Variants in SEL1L2 observed in about 807,000 individuals in gnomAD.
The protein encoded by SEL1L2 is SEL1L2 adaptor subunit of SYVN1 ubiquitin ligase.
In SEL1L2, 89 loss-of-function variants were observed where a neutral mutation model predicts 98.8. The ratio of observed to expected loss-of-function variants is 0.90; its 90% confidence interval spans 0.76 to 1.07. The LOEUF is 1.07. Ranked by LOEUF, SEL1L2 falls within the 50% of genes least tolerant of loss-of-function variation. The pLI is 0.00. For missense variants in SEL1L2, 788 were observed against 812.0 expected, an observed-to-expected ratio of 0.97 and a Z score of 0.36; for synonymous variants, 262 against 278.5, an observed-to-expected ratio of 0.94 and a Z score of 0.59.
chr20:13,951,048 G>A (rs918954220), intron 2 of SEL1L2, among the ~76,000 whole-genome samples: 3 of 150,324 alleles, frequency 2.0e-5, no homozygotes, highest in Non-Finnish European at 4.4e-5. Flanking sequence ...AGGCCGAGGC[G>A]TGCGGATCAC....
intron 18 of SEL1L2, among the ~76,000 whole-genome samples, chr20:13,854,726 T>C (rs1189554325): frequency 6.6e-6 from 1 of 152,148 alleles, no homozygotes; most frequent in African/African-American, 2.4e-5. Flanking sequence ...CAGAGTGCAA[T>C]ACCATGATGG....
At chr20:13,939,099 A>G (rs1245703572) in intron 2 of SEL1L2, among the ~76,000 whole-genome samples, 1 of 135,960 alleles carries the variant, frequency 7.4e-6, no homozygotes, top group Non-Finnish European at 1.5e-5. Context: ...GCTGGAGTGC[A>G]ATGGCGCAAT....
At chr20:13,894,015 G>A (rs2047319221) in intron 5 of SEL1L2, among the ~76,000 whole-genome samples, 1 of 151,980 alleles carries the variant, frequency 6.6e-6, no homozygotes, top group South Asian at 2.1e-4. Flanking sequence ...CAAAACTTAT[G>A]GGGATGCAGT....
chr20:13,893,653 T>G (rs1212368274), intron 5 of SEL1L2, among the ~76,000 whole-genome samples: 4 of 152,158 alleles, frequency 2.6e-5, no homozygotes. Context: ...ATTTACACAA[T>G]AAGATCCATT....
chr20:13,879,291 A>G (rs1454939588), intron 10 of SEL1L2, among the ~76,000 whole-genome samples: 4 of 152,184 alleles, frequency 2.6e-5, no homozygotes, highest in African/African-American at 9.7e-5. Context: ...ACTTGCAAAA[A>G]TAAGATGGCG....
chr20:13,888,514 T>G lies in SEL1L2; in HGVS notation c.550-2A>C. ...ATAAGAAGACAAAAATCCTAATGCC[T>G]AAAGCACAAAAGAAGAAACAAAATT... is the stretch of plus-strand genomic sequence containing the variant. On this transcript the variant is annotated splice_acceptor_variant, in intron 5 of 19. Transcript: ENST00000284951. LOFTEE classifies it high-confidence loss of function. 2 of 1,528,474 alleles carry G rather than the reference T, an allele frequency of 1.3e-6. No homozygotes were observed. Among genetic ancestry groups the G allele is most frequent in the Non-Finnish European group, 1.8e-6 (2 of 1,113,220 alleles). 94.7% of individuals were successfully genotyped at this position (1,528,474 alleles called of 1,614,324 possible).
intron 17 of SEL1L2, among the ~76,000 whole-genome samples, chr20:13,863,166 C>CAGG (rs1464319079): frequency 6.6e-6 from 1 of 152,176 alleles, no homozygotes; most frequent in Non-Finnish European, 1.5e-5. Flanking sequence ...AAAGAGAAAC[C>CAGG]TATTCCATCT....
At chr20:13,935,266 G>T (rs1046254669) in intron 2 of SEL1L2, among the ~76,000 whole-genome samples, 3 of 152,116 alleles carry the variant, frequency 2.0e-5, no homozygotes, top group Non-Finnish European at 4.4e-5. Context: ...AGCATTTTTG[G>T]AGCATTGCTC....
chr20:13,978,663 T>A (rs2051661009), intron 1 of SEL1L2, among the ~76,000 whole-genome samples: 1 of 152,116 alleles, frequency 6.6e-6, no homozygotes, highest in South Asian at 2.1e-4. Context: ...TCAACTTAAA[T>A]ATTCATCAAC....
intron 2 of SEL1L2, 128 bp from the exon 3 acceptor site, chr20:13,931,899 C>CT: frequency 3.0e-6 from 2 of 667,710 alleles, no homozygotes; most frequent in Non-Finnish European, 4.5e-6. Context: ...CTAATTCTTG[C>CT]TTTTTTCAAA....
At chr20:13,944,889 G>C (rs2049942324) in intron 2 of SEL1L2, among the ~76,000 whole-genome samples, 1 of 152,206 alleles carries the variant, frequency 6.6e-6, no homozygotes, top group South Asian at 2.1e-4. Flanking sequence ...ATATGAAACA[G>C]TGATCTTAGA....
intron 2 of SEL1L2, among the ~76,000 whole-genome samples, chr20:13,933,726 T>G (rs1374080917): frequency 6.6e-6 from 1 of 152,136 alleles, no homozygotes; most frequent in African/African-American, 2.4e-5. Flanking sequence ...GGAGCATCAG[T>G]ATCTAGCAGA....
intron 1 of SEL1L2, among the ~76,000 whole-genome samples, chr20:13,979,416 A>G (rs374531207): frequency 2.0e-4 from 31 of 152,382 alleles, no homozygotes; most frequent in Middle Eastern, 3.4e-3. Context: ...TTGAATGTTT[A>G]CAACACAAAG....
Position 13,914,093 on chromosome 20 carries a change from A to AT in SEL1L2, c.387-150dup, listed in dbSNP as rs11426203. ...GTTCATTACATCTCTAGATCAGTAG[A>AT]TTTTTTTCATTCCTAAAGCAGTCTA... On this transcript the variant is annotated intron_variant, in intron 4 of 19. Transcript: ENST00000284951. 8,013 of 627,078 alleles carry AT rather than the reference A, an allele frequency of 0.013. 458 individuals carry two copies. The African/African-American group carries it at 0.13, about 10-fold the overall frequency. 38.8% of individuals were successfully genotyped at this position (627,078 alleles called of 1,614,324 possible). A position where few individuals can be genotyped will look rare whatever the true frequency, so the allele number is the denominator to read the frequency against.
At chr20:13,915,344 T>G in intron 4 of SEL1L2, 1 of 919,914 alleles carries the variant, frequency 1.1e-6, no homozygotes, top group South Asian at 1.6e-5. Context: ...CAAAGCCAGC[T>G]GAAATTCTGG....
intron 17 of SEL1L2, among the ~76,000 whole-genome samples, chr20:13,862,582 A>C (rs920735541): frequency 2.0e-5 from 3 of 152,188 alleles, no homozygotes; most frequent in Non-Finnish European, 4.4e-5. Flanking sequence ...AATCTTCTAG[A>C]ATCTTCTATT....
chr20:13,922,065 C>T (rs2048688794), intron 3 of SEL1L2, among the ~76,000 whole-genome samples: 1 of 152,156 alleles, frequency 6.6e-6, no homozygotes, highest in Non-Finnish European at 1.5e-5. Flanking sequence ...TTTGATTCTT[C>T]ACTTGTTTCA....
chr20:13,917,840 C>G (rs1193970256), intron 4 of SEL1L2, among the ~76,000 whole-genome samples: 1 of 119,720 alleles, frequency 8.4e-6, no homozygotes, highest in East Asian at 2.8e-4. Flanking sequence ...CTTTGTCACC[C>G]AGAGGCTAGA....
At chr20:13,943,958 A>C (rs1240594731) in intron 2 of SEL1L2, among the ~76,000 whole-genome samples, 1 of 152,128 alleles carries the variant, frequency 6.6e-6, no homozygotes, top group East Asian at 1.9e-4. Context: ...CAATTAAGAG[A>C]GAGAGAGAGT....
Sources: gnomAD v4.1 joint callset for allele counts (sites outside exome capture counted in the v4.1 genomes callset) on GRCh38, gnomAD v4.1.1 for gene constraint, MANE v1.5 for transcripts, NCBI Gene and HGNC (gene_info 2026-07-23, HGNC 2026-07-21) for gene names.